ADCY8: variants seen among roughly 807,000 people sequenced by gnomAD.
ADCY8 encodes the protein adenylate cyclase type 8.
A neutral mutation model predicts 119.7 loss-of-function variants in ADCY8; 51 were observed. The observed-to-expected ratio is 0.43, with a 90% CI of 0.34 to 0.54. The LOEUF (loss-of-function observed/expected upper bound fraction) is 0.54. Ranked by LOEUF, ADCY8 falls within the 20% of genes least tolerant of loss-of-function variation. The pLI is 0.03. For missense variants in ADCY8, 1,383 were observed against 1,598.8 expected (o/e 0.87, Z 2.30); for synonymous variants, 665 against 651.0 (o/e 1.02, Z -0.33).
At chr8:130,874,235 G>T (rs1447953515) in intron 8 of ADCY8, among the ~76,000 whole-genome samples, 3 of 151,976 alleles carry the variant, frequency 2.0e-5, no homozygotes, top group Non-Finnish European at 4.4e-5. Flanking sequence ...TTGAACCCAG[G>T]AGGTGGAGGT....
intron 12 of ADCY8, among the ~76,000 whole-genome samples, chr8:130,832,271 T>A (rs430659): frequency 1.3e-5 from 2 of 151,836 alleles, no homozygotes; most frequent in African/African-American, 4.8e-5. Context: ...GTGGGACAGG[T>A]AGTTTGACGA....
At chr8:130,805,333 T>C (rs1329026699) in intron 14 of ADCY8, among the ~76,000 whole-genome samples, 1 of 152,210 alleles carries the variant, frequency 6.6e-6, no homozygotes, top group Non-Finnish European at 1.5e-5. Flanking sequence ...CTGAAATTTG[T>C]ACTGCTAATA....
intron 7 of ADCY8, among the ~76,000 whole-genome samples, chr8:130,895,073 C>T (rs1819335991): frequency 6.6e-6 from 1 of 152,100 alleles, no homozygotes; most frequent in African/African-American, 2.4e-5. Context: ...AAATAAATCC[C>T]ACTTCTTTGT....
chr8:130,822,907 G>A (rs1816563137), intron 12 of ADCY8, among the ~76,000 whole-genome samples: 1 of 152,178 alleles, frequency 6.6e-6, no homozygotes, highest in Non-Finnish European at 1.5e-5. Flanking sequence ...TTGGCACAGT[G>A]CCTGGCCCAC....
At chr8:131,008,545 A>G (rs990671392) in intron 1 of ADCY8, among the ~76,000 whole-genome samples, 37 of 152,204 alleles carry the variant, frequency 2.4e-4, no homozygotes, top group African/African-American at 8.0e-4. Flanking sequence ...CTGTGAGTCA[A>G]TTAAGCCTCT....
chr8:130,976,769 G>A (rs57663944), intron 2 of ADCY8, among the ~76,000 whole-genome samples: 9,406 of 152,168 alleles, frequency 0.062, 993 homozygotes, highest in African/African-American at 0.22. Context: ...GAAGCCCTTT[G>A]CTTGCAGCAT....
chr8:130,861,175 G>A (rs1206583580), intron 9 of ADCY8, among the ~76,000 whole-genome samples: 1 of 152,080 alleles, frequency 6.6e-6, no homozygotes, highest in East Asian at 1.9e-4. Flanking sequence ...TATTGTGTTG[G>A]CTATGCTATA....
intron 6 of ADCY8, 86 bp from the exon 7 acceptor site, chr8:130,904,128 AG>A (rs76542596): frequency 0.53 from 696,381 of 1,318,530 alleles, 189,607 homozygotes; most frequent in East Asian, 0.67. Flanking sequence ...AACCAACACC[AG>A]GGTTACACAA....
intron 9 of ADCY8, among the ~76,000 whole-genome samples, chr8:130,850,775 T>C (rs1462791545): frequency 6.6e-6 from 1 of 152,210 alleles, no homozygotes; most frequent in Non-Finnish European, 1.5e-5. Context: ...TGAACTCACC[T>C]TCTTTTCCTA....
chr8:130,901,258 T>G (rs1819592334), intron 7 of ADCY8, among the ~76,000 whole-genome samples: 1 of 150,772 alleles, frequency 6.6e-6, no homozygotes, highest in African/African-American at 2.5e-5. Context: ...TTTTTTTTTT[T>G]TTTTTACTAG....
intron 4 of ADCY8, among the ~76,000 whole-genome samples, chr8:130,939,486 T>C (rs556368018): frequency 3.3e-5 from 5 of 152,234 alleles, no homozygotes; most frequent in African/African-American, 1.2e-4. Context: ...ATGAGAGACT[T>C]ATGCGAAAGA....
chr8:130,911,725 AT>A (rs1400535536), intron 5 of ADCY8, among the ~76,000 whole-genome samples: 2 of 150,296 alleles, frequency 1.3e-5, no homozygotes, highest in Non-Finnish European at 3.0e-5. Flanking sequence ...TATTATGTAT[AT>A]TTTATGGTAT....
intron 1 of ADCY8, among the ~76,000 whole-genome samples, chr8:131,036,418 T>C (rs1410859869): frequency 6.6e-6 from 1 of 152,206 alleles, no homozygotes; most frequent in Non-Finnish European, 1.5e-5. Context: ...ATCAGGGCAC[T>C]TGGATATTTT....
At chr8:130,963,624 G>T (rs1372673837) in intron 2 of ADCY8, among the ~76,000 whole-genome samples, 1 of 152,166 alleles carries the variant, frequency 6.6e-6, no homozygotes, top group African/African-American at 2.4e-5. Context: ...AGGAGAGGGG[G>T]AGAGATGATA....
chr8:130,811,085 T>G (rs1201112395), intron 14 of ADCY8, among the ~76,000 whole-genome samples: 1 of 152,214 alleles, frequency 6.6e-6, no homozygotes, highest in East Asian at 1.9e-4. Context: ...ACAAAGACAC[T>G]GACCTTAGGG....
At chr8:130,833,563 C>T (rs926333407) in intron 12 of ADCY8, among the ~76,000 whole-genome samples, 1 of 152,170 alleles carries the variant, frequency 6.6e-6, no homozygotes. Flanking sequence ...CTTGCTACCA[C>T]ATGGATGAAC....
At chr8:130,996,591 G>A (rs1822783077) in intron 1 of ADCY8, among the ~76,000 whole-genome samples, 1 of 151,940 alleles carries the variant, frequency 6.6e-6, no homozygotes, top group African/African-American at 2.4e-5. Context: ...AAGGTTTAAA[G>A]GGAAAGAAAA....
At chr8:131,026,343 T>A (rs1823822754) in intron 1 of ADCY8, among the ~76,000 whole-genome samples, 5 of 152,190 alleles carry the variant, frequency 3.3e-5, no homozygotes. Context: ...TGCTTAGATT[T>A]TGAGCTTCCC....
At position 130,990,385 on chromosome 8, in the gene ADCY8, G is replaced by A; in HGVS notation, c.1110+8C>T. On this transcript the variant is annotated splice_region_variant and intron_variant, in intron 2 of 17. Coordinates refer to ENST00000286355, the MANE Select transcript of ADCY8 (RefSeq NM_001115.3). ...ATAACTAAAACACACAGCCTTGTCA[G>A]TTGGTACCTGTCTTTGGTTCTCTGT... 1 of 1,613,936 alleles carries A rather than the reference G, an allele frequency of 6.2e-7. No homozygotes were observed. The highest frequency in any genetic ancestry group is 8.5e-7 in the Non-Finnish European group (1 of 1,179,908).
Sources: allele counts gnomAD v4.1 joint callset (sites outside exome capture counted in the v4.1 genomes callset), GRCh38; gene constraint gnomAD v4.1.1; transcripts MANE v1.5; gene names NCBI Gene and HGNC (gene_info 2026-07-23, HGNC 2026-07-21).